Variants in CFAP44 observed in about 807,000 individuals in gnomAD.
CFAP44 encodes the protein cilia- and flagella-associated protein 44.
A neutral mutation model predicts 216.2 loss-of-function variants in CFAP44; 134 were observed. That is an observed-to-expected ratio of 0.62 (90% CI 0.54 to 0.72). The LOEUF (loss-of-function observed/expected upper bound fraction) is 0.72, where lower values mean the gene tolerates loss of function less well. Ranked by LOEUF, CFAP44 falls within the 30% of genes least tolerant of loss-of-function variation. The pLI is 0.00. For synonymous variants in CFAP44, 700 were observed against 727.6 expected, an observed-to-expected ratio of 0.96 and a Z score of 0.61; for missense variants, 2,035 against 2,182.1, an observed-to-expected ratio of 0.93 and a Z score of 1.34.
At chr3:113,338,752 G>T (rs1950304483) in intron 24 of CFAP44, among the ~76,000 whole-genome samples, 2 of 152,172 alleles carry the variant, frequency 1.3e-5, no homozygotes, top group Non-Finnish European at 2.9e-5. Flanking sequence ...GGGAGAAGGG[G>T]ACCTTGGCCT....
At chr3:113,376,657 A>G (rs965093459) in intron 17 of CFAP44, among the ~76,000 whole-genome samples, 1 of 152,242 alleles carries the variant, frequency 6.6e-6, no homozygotes, top group Non-Finnish European at 1.5e-5. Flanking sequence ...CTCTGAGCTT[A>G]TCATCATTAG....
chr3:113,341,065 T>C (rs895191065), intron 24 of CFAP44, among the ~76,000 whole-genome samples: 1 of 152,240 alleles, frequency 6.6e-6, no homozygotes, highest in African/African-American at 2.4e-5. Context: ...CAGTTACTTG[T>C]GTCTTCTTCT....
intron 28 of CFAP44, among the ~76,000 whole-genome samples, chr3:113,318,098 A>T (rs1950105539): frequency 6.6e-6 from 1 of 152,198 alleles, no homozygotes; most frequent in African/African-American, 2.4e-5. Context: ...TAAAATTCAG[A>T]ATCTGGATGT....
At chr3:113,361,498 GT>G (rs201963188) in intron 21 of CFAP44, among the ~76,000 whole-genome samples, 12,414 of 137,668 alleles carry the variant, frequency 0.09, 530 homozygotes, top group African/African-American at 0.16. Context: ...GACCTGTTTT[GT>G]TTTTTTTTTT....
At chr3:113,430,800 C>T (rs867132852) in intron 2 of CFAP44, among the ~76,000 whole-genome samples, 1 of 152,084 alleles carries the variant, frequency 6.6e-6, no homozygotes. Context: ...CAATTCTACA[C>T]AAAATATTTT....
Position 113,333,474 on chromosome 3 carries a change from T to C in CFAP44, c.3547A>G (p.Lys1183Glu). 1 of 1,537,144 alleles carries C rather than the reference T, an allele frequency of 6.5e-7. No individual in the cohort carries two copies. The highest frequency in any genetic ancestry group is 8.7e-7 in the Non-Finnish European group (1 of 1,146,866). Residue 1183 changes from lysine (K) to glutamate (E), a missense_variant, in exon 25 of 35, where the codon AAG (lysine) becomes GAG (glutamate). Physicochemically the swap from Lys to Glu is moderately conservative, Grantham distance 56 (BLOSUM62 1). Around this residue, in one of 3 missense-constraint regions of CFAP44, gnomAD observed 1,883 missense variants for 2,023.7 expected, o/e 0.93. Transcript: ENST00000393845. Reference sequence around the variant, plus strand: ...TTTATTCTCATGTGCTCAGGTATCTTGTAGTCTGGGGCTGTCTTCAGATTG... The same window carrying C: ...TTTATTCTCATGTGCTCAGGTATCTCGTAGTCTGGGGCTGTCTTCAGATTG... ...DFNLKTAPDY[K>E]IPEHMRINAA...
chr3:113,354,340 T>C (rs908302390), intron 22 of CFAP44, among the ~76,000 whole-genome samples: 1 of 152,168 alleles, frequency 6.6e-6, no homozygotes, highest in Non-Finnish European at 1.5e-5. Flanking sequence ...TTCCCTGAGA[T>C]GCCAAAAAAC....
chr3:113,362,826 T>C (rs1238195536), intron 21 of CFAP44: 4 of 1,067,050 alleles, frequency 3.7e-6, no homozygotes, highest in Non-Finnish European at 4.6e-6. Flanking sequence ...TCAGTGTATC[T>C]GTTATTCATG....
chr3:113,374,703 C>T (rs1049420819), intron 17 of CFAP44, among the ~76,000 whole-genome samples: 5 of 152,150 alleles, frequency 3.3e-5, no homozygotes, highest in South Asian at 2.1e-4. Flanking sequence ...GGTGCCATCT[C>T]GGCTCACTGC....
chr3:113,343,001 T>A (rs908381346), intron 23 of CFAP44, among the ~76,000 whole-genome samples: 4 of 139,730 alleles, frequency 2.9e-5, no homozygotes, highest in African/African-American at 5.3e-5. Flanking sequence ...AATAAATAAA[T>A]AAAAAATTAA....
At chr3:113,392,418 C>T (rs569233158) in intron 15 of CFAP44, among the ~76,000 whole-genome samples, 45 of 94,638 alleles carry the variant, frequency 4.8e-4, no homozygotes, top group South Asian at 3.6e-3. Context: ...GTGGGTGTGG[C>T]GGGGGGTGGG....
At chr3:113,409,029 A>AAAT in intron 7 of CFAP44, 77 bp downstream of exon 7, 1 of 710,110 alleles carries the variant, frequency 1.4e-6, no homozygotes, top group Non-Finnish European at 2.1e-6. Context: ...AAAAAAAAAA[A>AAAT]GTCTCCAGCT....
intron 2 of CFAP44, among the ~76,000 whole-genome samples, chr3:113,431,482 C>G (rs1370695333): frequency 6.6e-6 from 1 of 152,030 alleles, no homozygotes; most frequent in Non-Finnish European, 1.5e-5. Context: ...CACAGACAAT[C>G]CTGTGTCAGA....
rs1370084288 is a variant in CFAP44, at chr3:113,306,351, A to AT, written c.4628-21_4628-20insA. The AT allele has an allele frequency of 6.5e-7, 1 of 1,531,788 alleles. No homozygotes were observed. Among genetic ancestry groups the AT allele is most frequent in the Non-Finnish European group, 8.7e-7 (1 of 1,145,638 alleles). The allele number at this position is 1,531,788 out of a possible 1,614,324, so 94.9% of individuals were successfully genotyped here. On this transcript the variant is annotated intron_variant, in intron 29 of 34. Coordinates refer to ENST00000393845, the MANE Select transcript of CFAP44 (RefSeq NM_001164496.2). ...CACAATCTGCCAAGAGAATTAAAAT[A>AT]AAAACCAGCCTCATTTGTTATGGAA...
intron 5 of CFAP44, among the ~76,000 whole-genome samples, chr3:113,418,437 C>T (rs1934710513): frequency 6.6e-6 from 1 of 152,120 alleles, no homozygotes; most frequent in Non-Finnish European, 1.5e-5. Flanking sequence ...ATTTACTTTA[C>T]ACTCAACATA....
intron 15 of CFAP44, among the ~76,000 whole-genome samples, chr3:113,392,757 T>C (rs1460590697): frequency 6.6e-6 from 1 of 152,200 alleles, no homozygotes; most frequent in Non-Finnish European, 1.5e-5. Flanking sequence ...CTGGCTTTAG[T>C]GACAGGGAAA....
intron 2 of CFAP44, among the ~76,000 whole-genome samples, chr3:113,429,332 A>G (rs1489548113): frequency 6.6e-6 from 1 of 152,020 alleles, no homozygotes; most frequent in Non-Finnish European, 1.5e-5. Flanking sequence ...TGTTTTCTTA[A>G]TTGATCCTTT....
intron 30 of CFAP44, among the ~76,000 whole-genome samples, chr3:113,305,480 G>A (rs1949976667): frequency 6.6e-6 from 1 of 152,162 alleles, no homozygotes; most frequent in Non-Finnish European, 1.5e-5. Flanking sequence ...TGACAGAATG[G>A]TGGGAGTCTT....
rs755563915 is a variant in CFAP44 at position 113,400,642 on chromosome 3, G to A, written c.1377C>T (p.Thr459=). ...WKLDLSFSNI[T]QDPECLFSFH... ...AGGAGAAGAGGCATTCTGGGTCCTG[G>A]GTCTGAGAATAGATAGACAGCTTAC... The change falls in exon 12 of 35, where the codon ACC becomes ACT. Residue 459 remains threonine (T), a splice_region_variant and synonymous_variant. Coordinates refer to ENST00000393845, the MANE Select transcript of CFAP44 (RefSeq NM_001164496.2). 5 of 1,608,658 alleles carry A rather than the reference G, an allele frequency of 3.1e-6. No individual in the cohort carries two copies. Among genetic ancestry groups the A allele is most frequent in the African/African-American group, 1.3e-5 (1 of 74,098 alleles).
Sources: gnomAD v4.1 joint callset for allele counts (sites outside exome capture counted in the v4.1 genomes callset) on GRCh38, gnomAD v4.1.1 for gene constraint, gnomAD v4.1.1 regional missense constraint, MANE v1.5 for transcripts, NCBI Gene and HGNC (gene_info 2026-07-23, HGNC 2026-07-21) for gene names.